ZNF337: variants seen among roughly 807,000 people sequenced by gnomAD.
ZNF337 encodes the protein zinc finger protein 337.
Under a neutral mutation model 12.1 loss-of-function variants are expected in ZNF337, and 8 were observed. That is an observed-to-expected ratio of 0.66 (90% CI 0.39 to 1.19). The LOEUF (loss-of-function observed/expected upper bound fraction) is 1.19, where lower values mean the gene tolerates loss of function less well. Ranked by LOEUF, ZNF337 falls within the 50% of genes most tolerant of loss-of-function variation. The pLI is 0.01. For missense variants in ZNF337, 882 were observed against 896.6 expected (o/e 0.98, Z 0.21); for synonymous variants, 336 against 320.0 (o/e 1.05, Z -0.53).
chr20:25,692,772 A>C (rs2065892000), intron 1 of ZNF337, among the ~76,000 whole-genome samples: 1 of 152,166 alleles, frequency 6.6e-6, no homozygotes, highest in South Asian at 2.1e-4. Flanking sequence ...ATTAGTTACC[A>C]ATAAATTAGA....
chr20:25,695,907 T>C (rs2065920359), intron 1 of ZNF337, among the ~76,000 whole-genome samples: 1 of 152,134 alleles, frequency 6.6e-6, no homozygotes, highest in Non-Finnish European at 1.5e-5. Context: ...TCGGGCACTT[T>C]CACAGGACCT....
intron 4 of ZNF337, among the ~76,000 whole-genome samples, chr20:25,683,904 G>GT (rs1569011803): frequency 6.6e-6 from 1 of 151,944 alleles, no homozygotes; most frequent in Non-Finnish European, 1.5e-5. Context: ...ACATGCACAC[G>GT]TATGTTTATT....
rs1346927628 is a variant in ZNF337 at position 25,673,750 on chromosome 20, T to C, written c.*1282A>G. 1.3e-5 allele frequency: 2 copies of C among 152,218 alleles called. No homozygotes were observed. Among genetic ancestry groups the C allele is most frequent in the African/African-American group, 4.8e-5 (2 of 41,450 alleles). The allele number at this position is 152,218 out of a possible 1,614,324, so 9.4% of individuals were successfully genotyped here. Reference sequence around the variant, plus strand: ...CAGGGAGTCCTGGTTTACTTAACCATTAACTGTTTGCTAATGGCTGAATGA... The same window carrying C: ...CAGGGAGTCCTGGTTTACTTAACCACTAACTGTTTGCTAATGGCTGAATGA... On this transcript the variant is annotated 3_prime_UTR_variant, in exon 5 of 5. Coordinates refer to ENST00000252979, the MANE Select transcript of ZNF337 (RefSeq NM_015655.4).
At chr20:25,691,403 A>C (rs753106163) in intron 1 of ZNF337, among the ~76,000 whole-genome samples, 1 of 152,220 alleles carries the variant, frequency 6.6e-6, no homozygotes, top group Non-Finnish European at 1.5e-5. Context: ...TCAAAATTTG[A>C]AGACAGACAT....
chr20:25,676,024 G>T lies in ZNF337; in HGVS notation c.1264C>A (p.His422Asn), dbSNP rs770982480. 2 of 1,613,794 alleles carry T rather than the reference G, an allele frequency of 1.2e-6. No individual in the cohort carries two copies. Among genetic ancestry groups the T allele is most frequent in the Non-Finnish European group, 1.7e-6 (2 of 1,179,702 alleles). ...TTCTCCCCTGAGTGTGTTCTCTGGT[G>T]GTAGACAAGAGTTGACTTTTGGCTA... ...SFSQKSTLVY[H>N]QRTHSGEKPF... is the part of the protein sequence containing the mutation. The change falls in exon 5 of 5, where the codon CAC becomes AAC. Residue 422 changes from histidine (H) to asparagine (N), a missense_variant. Physicochemically the swap from His to Asn is moderately conservative, Grantham distance 68 (BLOSUM62 1). Transcript: ENST00000252979.
In ZNF337 at chr20:25,695,046, G is replaced by T. The variant is rs571296014; in HGVS notation, c.-50+1713C>A. On this transcript the variant is annotated intron_variant, in intron 1 of 4. Coordinates refer to ENST00000252979, the MANE Select transcript of ZNF337 (RefSeq NM_015655.4). ...AGCACTTTGGGAGGTAGAGGTGGGTGGATCACCTGAGGTCAGGAAGTCAAG... is the reference window on the plus strand; with the variant it reads ...AGCACTTTGGGAGGTAGAGGTGGGTTGATCACCTGAGGTCAGGAAGTCAAG... Among the ~76,000 whole-genome samples, 11 of 152,258 alleles carry T rather than the reference G, an allele frequency of 7.2e-5. No individual in the cohort carries two copies. The East Asian group carries it at 1.9e-3, about 27-fold the overall frequency.
At chr20:25,695,332 G>C (rs2065912625) in intron 1 of ZNF337, among the ~76,000 whole-genome samples, 1 of 152,138 alleles carries the variant, frequency 6.6e-6, no homozygotes, top group Non-Finnish European at 1.5e-5. Context: ...CATCTATTCT[G>C]AGAGTTGCCA....
rs1461214497 is a variant in ZNF337 at position 25,676,172 on chromosome 20, C to T, written c.1116G>A (p.Gly372=). The T allele has an allele frequency of 5.6e-6, 9 of 1,613,062 alleles. No individual in the cohort carries two copies. Among genetic ancestry groups the T allele is most frequent in the Non-Finnish European group, 7.6e-6 (9 of 1,179,704 alleles). Residue 372 remains glycine (G), a synonymous_variant, in exon 5 of 5, where the codon GGG becomes GGA. Coordinates refer to ENST00000252979, the MANE Select transcript of ZNF337 (RefSeq NM_015655.4). ...HLITHQRTHS[G]EKPFACRQCK... ...ACTGCCTGCACGCAAAGGGCTTCTCCCCTGAGTGTGTCCTCTGGTGTGTGA... is the reference window on the plus strand; with the variant it reads ...ACTGCCTGCACGCAAAGGGCTTCTCTCCTGAGTGTGTCCTCTGGTGTGTGA...
Position 25,674,972 on chromosome 20 carries a change from T to C in ZNF337, c.*60A>G, listed in dbSNP as rs2065658893. 1.0e-5 allele frequency: 15 copies of C among 1,500,842 alleles called. No individual in the cohort carries two copies. The Admixed American group carries it at 1.5e-4, about 15-fold the overall frequency. The allele number at this position is 1,500,842 out of a possible 1,614,324, so 93.0% of individuals were successfully genotyped here. On this transcript the variant is annotated 3_prime_UTR_variant, in exon 5 of 5. Coordinates refer to ENST00000252979, the MANE Select transcript of ZNF337 (RefSeq NM_015655.4). ...CAAGTTATGCAGCCTCAACTAAAGC[T>C]TGTAACAAAGCAAAGTTACTCTCCT...
chr20:25,696,551 G>C (rs7273313), intron 1 of ZNF337, among the ~76,000 whole-genome samples: 11 of 152,180 alleles, frequency 7.2e-5, no homozygotes, highest in Admixed American at 1.3e-4. Flanking sequence ...TGGCGGCCCA[G>C]ACCCGGGGCG....
intron 4 of ZNF337, among the ~76,000 whole-genome samples, chr20:25,681,545 A>T (rs77404436): frequency 0.023 from 3,462 of 152,296 alleles, 122 homozygotes; most frequent in African/African-American, 0.078. Context: ...TCTGATAGAG[A>T]GTATACTGTG....
chr20:25,694,017 A>G (rs1227810759), intron 1 of ZNF337, among the ~76,000 whole-genome samples: 1 of 152,230 alleles, frequency 6.6e-6, no homozygotes, highest in Non-Finnish European at 1.5e-5. Flanking sequence ...TCCTGGGAAC[A>G]GATCCTGAGT....
Position 25,674,854 on chromosome 20 carries a change from CTCT to C in ZNF337, c.*175_*177del. 1.6e-6 allele frequency: 1 copy of C among 620,972 alleles called. No individual in the cohort carries two copies. The highest frequency in any genetic ancestry group is 2.8e-6 in the Non-Finnish European group (1 of 357,790). The allele number at this position is 620,972 out of a possible 1,614,324, so 38.5% of individuals were successfully genotyped here. A position where few individuals can be genotyped will look rare whatever the true frequency, so the allele number is the denominator to read the frequency against. Reference sequence around the variant, plus strand: ...GCATCTCTGTTCCCTAAACATTGACCTCTTTTCTCTGAATCTCTTGGGGACACA... The same window carrying C: ...GCATCTCTGTTCCCTAAACATTGACCTTTCTCTGAATCTCTTGGGGACACA... On this transcript the variant is annotated 3_prime_UTR_variant, in exon 5 of 5. Transcript: ENST00000252979.
At chr20:25,681,461 G>GA (rs1392373432) in intron 4 of ZNF337, among the ~76,000 whole-genome samples, 3 of 152,052 alleles carry the variant, frequency 2.0e-5, no homozygotes, top group Non-Finnish European at 4.4e-5. Flanking sequence ...CAGTCTGTAT[G>GA]AACCTGCTTT....
In ZNF337 at chr20:25,696,847, G is replaced by C; in HGVS notation, c.-138C>G. 3.0e-6 allele frequency: 3 copies of C among 983,946 alleles called. No homozygotes were observed. Among genetic ancestry groups the C allele is most frequent in the Non-Finnish European group, 3.6e-6 (3 of 828,568 alleles). 61.0% of individuals were successfully genotyped at this position (983,946 alleles called of 1,614,324 possible). A position where few individuals can be genotyped will look rare whatever the true frequency, so the allele number is the denominator to read the frequency against. On this transcript the variant is annotated 5_prime_UTR_variant, in exon 1 of 5. Transcript: ENST00000252979. ...TCGCTGACGCCCAGGGATCTGGAAC[G>C]CTCTGCGCCGCCCGGGACTACACTA...
Position 25,676,846 on chromosome 20 carries a change from T to C in ZNF337, c.442A>G (p.Ser148Gly). The change falls in exon 5 of 5, where the codon AGT (serine) becomes GGT (glycine). Residue 148 changes from serine (S) to glycine (G), a missense_variant. Physicochemically the swap from Ser to Gly is moderately conservative, Grantham distance 56. Transcript: ENST00000252979. Reference protein sequence around the residue: ...RHAVSSRRRNSVVEIESSQGQ... With the variant: ...RHAVSSRRRNGVVEIESSQGQ... Reference sequence around the variant, plus strand: ...TGACTAGACTCTATTTCCACTACACTGTTCCTCCTCCTTGAGCTTACTGCA... The same window carrying C: ...TGACTAGACTCTATTTCCACTACACCGTTCCTCCTCCTTGAGCTTACTGCA... 6.2e-7 allele frequency: 1 copy of C among 1,614,218 alleles called. No homozygotes were observed. Among genetic ancestry groups the C allele is most frequent in the South Asian group, 1.1e-5 (1 of 91,086 alleles).
rs2065649298 is a variant in ZNF337, at chr20:25,674,281, A to AGG, written c.*749_*750dup. On this transcript the variant is annotated 3_prime_UTR_variant, in exon 5 of 5. Coordinates refer to ENST00000252979, the MANE Select transcript of ZNF337 (RefSeq NM_015655.4). ...GGAAGTTCAACATCAAAACATCAGT[A>AGG]GGTGCAGTTGTCTGTTGAGGGCTCA... 1 of 152,182 alleles carries AGG rather than the reference A, an allele frequency of 6.6e-6. No homozygotes were observed. Among genetic ancestry groups the AGG allele is most frequent in the Admixed American group, 6.5e-5 (1 of 15,280 alleles). 9.4% of individuals were successfully genotyped at this position (152,182 alleles called of 1,614,324 possible).
Position 25,675,160 on chromosome 20 carries a change from C to T in ZNF337, c.2128G>A (p.Glu710Lys), listed in dbSNP as rs1164211366. 2 of 1,614,226 alleles carry T rather than the reference C, an allele frequency of 1.2e-6. No individual in the cohort carries two copies. Among genetic ancestry groups the T allele is most frequent in the South Asian group, 1.1e-5 (1 of 91,088 alleles). Residue 710 changes from glutamate (E) to lysine (K), a missense_variant, in exon 5 of 5, where the codon GAG becomes AAG. By Grantham distance (56) the Glu-to-Lys change is moderately conservative (BLOSUM62 1). Coordinates refer to ENST00000252979, the MANE Select transcript of ZNF337 (RefSeq NM_015655.4). ...CACTCTTGGCATTCATAAGGCCTCT[C>T]TCCTGTGTGTATTCTTTCATGCACA... ...LTVHERIHTGERPYECQECGR... is the reference protein window; with the variant it reads ...LTVHERIHTGKRPYECQECGR...
intron 1 of ZNF337, among the ~76,000 whole-genome samples, chr20:25,696,496 C>G (rs2065931077): frequency 6.6e-6 from 1 of 152,172 alleles, no homozygotes; most frequent in African/African-American, 2.4e-5. Flanking sequence ...CCGGGCTGTT[C>G]ACCGCCCGAG....
Sources: gnomAD v4.1 joint callset for allele counts (sites outside exome capture counted in the v4.1 genomes callset) on GRCh38, gnomAD v4.1.1 for gene constraint, MANE v1.5 for transcripts, NCBI Gene and HGNC (gene_info 2026-07-23, HGNC 2026-07-21) for gene names.